Variants in PPP1R1C observed in about 807,000 individuals in gnomAD.
The protein encoded by PPP1R1C is protein phosphatase 1 regulatory inhibitor subunit 1C.
A neutral mutation model predicts 17.4 loss-of-function variants in PPP1R1C; 15 were observed. That is an observed-to-expected ratio of 0.86 (90% CI 0.58 to 1.33). The LOEUF (loss-of-function observed/expected upper bound fraction) is 1.33, where lower values mean the gene tolerates loss of function less well. Among genes scored for constraint, PPP1R1C ranks in the 40% most tolerant of loss-of-function variants. PPP1R1C has a pLI of 0.00. For missense variants in PPP1R1C, 143 were observed against 130.0 expected, an observed-to-expected ratio of 1.10 and a Z score of -0.48; for synonymous variants, 35 against 43.1, an observed-to-expected ratio of 0.81 and a Z score of 0.73.
At chr2:182,017,765 TAGG>T (rs1332334778) in intron 2 of PPP1R1C, among the ~76,000 whole-genome samples, 16 of 152,254 alleles carry the variant, frequency 1.1e-4, no homozygotes, top group African/African-American at 3.1e-4. Flanking sequence ...ATGTATTTAA[TAGG>T]AGTTTACTGC....
chr2:181,982,507 A>G (rs1685211870), upstream of PPP1R1C, among the ~76,000 whole-genome samples: 2 of 152,246 alleles, frequency 1.3e-5, no homozygotes, highest in Admixed American at 1.3e-4. Flanking sequence ...AAGAGGCAAA[A>G]GAAACACATA....
At chr2:182,082,158 C>G (rs1230064571) in intron 4 of PPP1R1C, among the ~76,000 whole-genome samples, 1 of 152,096 alleles carries the variant, frequency 6.6e-6, no homozygotes, top group Non-Finnish European at 1.5e-5. Flanking sequence ...TACACTTAAT[C>G]TTGTGAGCTA....
In PPP1R1C at chr2:181,957,569, G is replaced by T. The variant is rs1400528551; in HGVS notation, n.111+2935G>T. On this transcript the variant is annotated intron_variant and non_coding_transcript_variant, in intron 1 of 5. Transcript: ENST00000464264. The surrounding 1 kb of genome is among the most constrained non-coding windows in gnomAD (Gnocchi z 4.2). ...TAAAATTACTAAATATTAGTTATTG[G>T]GTAGTCCTAGATAAAATTTATGAAG... Among the ~76,000 whole-genome samples the T allele has an allele frequency of 6.6e-6, 1 of 152,052 alleles. No homozygotes were observed. Among genetic ancestry groups the T allele is most frequent in the Non-Finnish European group, 1.5e-5 (1 of 68,006 alleles).
At chr2:181,955,464 A>C (rs1298946924) in intron 1 of PPP1R1C, among the ~76,000 whole-genome samples, 1 of 152,176 alleles carries the variant, frequency 6.6e-6, no homozygotes. Context: ...TTTGTCAATC[A>C]AGGAAATAGT....
At chr2:182,034,634 C>T (rs555722554) in intron 2 of PPP1R1C, among the ~76,000 whole-genome samples, 177 of 152,142 alleles carry the variant, frequency 1.2e-3, no homozygotes, top group Non-Finnish European at 2.1e-3. Flanking sequence ...CATACCTATT[C>T]GAATTAATTC....
chr2:182,035,602 C>T (rs1686979813), intron 2 of PPP1R1C, among the ~76,000 whole-genome samples: 1 of 152,104 alleles, frequency 6.6e-6, no homozygotes, highest in Non-Finnish European at 1.5e-5. Flanking sequence ...CAAGTGCTGT[C>T]TCATGACAAA....
chr2:182,106,688 G>A (rs1033986636), intron 4 of PPP1R1C, among the ~76,000 whole-genome samples: 5 of 152,116 alleles, frequency 3.3e-5, no homozygotes, highest in African/African-American at 1.2e-4. Context: ...TTTGCCATAA[G>A]GCATGGGGCC....
chr2:182,119,409 G>T (rs1055979045), downstream of PPP1R1C, among the ~76,000 whole-genome samples: 1 of 152,098 alleles, frequency 6.6e-6, no homozygotes, highest in Admixed American at 6.5e-5. Context: ...ATAATCCTTT[G>T]GGTATATACC....
At chr2:182,090,316 TCA>T (rs1491487199) in intron 4 of PPP1R1C, among the ~76,000 whole-genome samples, 3,534 of 151,384 alleles carry the variant, frequency 0.023, 134 homozygotes, top group African/African-American at 0.081. Context: ...TGTGTGTGTG[TCA>T]GAGAGAGACA....
chr2:182,053,812 C>T (rs1574414069), intron 2 of PPP1R1C, among the ~76,000 whole-genome samples: 1 of 151,708 alleles, frequency 6.6e-6, no homozygotes, highest in South Asian at 2.1e-4. Context: ...CAGAATTTTG[C>T]TCCTGTTGCC....
chr2:181,973,801 T>G (rs933665831), intron 1 of PPP1R1C, among the ~76,000 whole-genome samples: 1 of 152,214 alleles, frequency 6.6e-6, no homozygotes, highest in African/African-American at 2.4e-5. Flanking sequence ...ATGTAATGTA[T>G]GGCCCCACTG....
At chr2:182,034,088 A>AT (rs1686927979) in intron 2 of PPP1R1C, among the ~76,000 whole-genome samples, 1 of 152,200 alleles carries the variant, frequency 6.6e-6, no homozygotes, top group Non-Finnish European at 1.5e-5. Context: ...GCACACCATA[A>AT]TACATTTATT....
At chr2:182,120,241 G>T (rs1689700768), downstream of PPP1R1C, among the ~76,000 whole-genome samples, 1 of 151,988 alleles carries the variant, frequency 6.6e-6, no homozygotes, top group Non-Finnish European at 1.5e-5. Context: ...ATTTCTGAGG[G>T]CTCTGTTTTG....
rs1008746902 is a variant in PPP1R1C at position 182,128,088 on chromosome 2, A to G, written c.*7-886A>G. Among the ~76,000 whole-genome samples the G allele has an allele frequency of 2.6e-5, 4 of 152,212 alleles. No individual in the cohort carries two copies. The East Asian group carries it at 7.7e-4, about 29-fold the overall frequency. ...AGACCAAAATTCTAGTTCATTATTC[A>G]ATAAATATGTAGGAATACCTATGAC... On this transcript the variant is annotated intron_variant, in intron 5 of 5. Transcript: ENST00000280295.
intron 4 of PPP1R1C, among the ~76,000 whole-genome samples, chr2:182,101,048 A>G (rs1689085790): frequency 6.6e-6 from 1 of 152,210 alleles, no homozygotes; most frequent in African/African-American, 2.4e-5. Context: ...AGAACTAAAC[A>G]GTAGATCGCC....
chr2:182,088,782 A>G (rs1222375714), intron 4 of PPP1R1C, among the ~76,000 whole-genome samples: 1 of 152,212 alleles, frequency 6.6e-6, no homozygotes, highest in Non-Finnish European at 1.5e-5. Context: ...GTTTAATGTA[A>G]TTAAGACTAA....
At chr2:182,034,847 C>A (rs1297604313) in intron 2 of PPP1R1C, among the ~76,000 whole-genome samples, 1 of 152,134 alleles carries the variant, frequency 6.6e-6, no homozygotes, top group African/African-American at 2.4e-5. Context: ...CCAAAATCAG[C>A]AAATGTTCAC....
chr2:182,103,349 T>C (rs1689154295), intron 4 of PPP1R1C, among the ~76,000 whole-genome samples: 1 of 152,246 alleles, frequency 6.6e-6, no homozygotes. Context: ...CTAGTCCTTA[T>C]AAAAGTTGAG....
intron 5 of PPP1R1C, among the ~76,000 whole-genome samples, chr2:182,125,360 C>CT (rs1003245449): frequency 6.6e-6 from 1 of 151,992 alleles, no homozygotes; most frequent in African/African-American, 2.4e-5. Flanking sequence ...CTGAAATTTT[C>CT]TTTTTTTGTT....
Sources: gnomAD v4.1 joint callset for allele counts (sites outside exome capture counted in the v4.1 genomes callset) on GRCh38, gnomAD v4.1.1 for gene constraint, Gnocchi (gnomAD v3.1) non-coding constraint, MANE v1.5 for transcripts, NCBI Gene and HGNC (gene_info 2026-07-23, HGNC 2026-07-21) for gene names.